MIPEP: variants seen among roughly 807,000 people sequenced by gnomAD.
MIPEP encodes mitochondrial intermediate peptidase.
In MIPEP, 79 loss-of-function variants were observed where a neutral mutation model predicts 90.3. The observed-to-expected ratio is 0.87, with a 90% CI of 0.73 to 1.05. MIPEP has a LOEUF of 1.05. MIPEP is among the 50% of genes least tolerant of loss of function. The pLI is 0.00. For synonymous variants in MIPEP, 334 were observed against 315.8 expected, an observed-to-expected ratio of 1.06 and a Z score of -0.61; for missense variants, 940 against 905.6, an observed-to-expected ratio of 1.04 and a Z score of -0.49.
chr13:23,771,916 T>A (rs1370891005), intron 16 of MIPEP, among the ~76,000 whole-genome samples: 1 of 152,120 alleles, frequency 6.6e-6, no homozygotes, highest in African/African-American at 2.4e-5. Flanking sequence ...TCCTTTACAT[T>A]GCCTAAGAGG....
chr13:23,814,816 T>C (rs1953215558), intron 14 of MIPEP, among the ~76,000 whole-genome samples: 1 of 152,162 alleles, frequency 6.6e-6, no homozygotes, highest in African/African-American at 2.4e-5. Context: ...ACTGAGAGCA[T>C]GGCCTGCCTT....
chr13:23,844,823 C>T (rs968773326), intron 10 of MIPEP, among the ~76,000 whole-genome samples: 3 of 151,924 alleles, frequency 2.0e-5, no homozygotes, highest in African/African-American at 7.3e-5. Context: ...AACAATTTAT[C>T]TTGGAAAAAA....
intron 5 of MIPEP, 25 bp downstream of exon 5, chr13:23,874,821 T>A: frequency 6.4e-7 from 1 of 1,562,926 alleles, no homozygotes; most frequent in Non-Finnish European, 8.6e-7. Context: ...ACTGGAAGAG[T>A]CAAAAAAACA....
chr13:23,823,491 A>G (rs573852204), intron 14 of MIPEP, among the ~76,000 whole-genome samples: 1 of 152,234 alleles, frequency 6.6e-6, no homozygotes, highest in East Asian at 1.9e-4. Context: ...CTACGTTATG[A>G]CTGCCATCTT....
In MIPEP at chr13:23,806,459, C is replaced by G. The variant is rs534611852; in HGVS notation, c.1729-390G>C. Among the ~76,000 whole-genome samples the G allele has an allele frequency of 1.8e-4, 27 of 152,176 alleles. No homozygotes were observed. The South Asian group carries it at 4.8e-3, about 27-fold the overall frequency. On this transcript the variant is annotated intron_variant, in intron 15 of 18. Coordinates refer to ENST00000382172, the MANE Select transcript of MIPEP (RefSeq NM_005932.4). ...TTGGGAGGCCGAGGCGGGAGGATCA[C>G]GAGGTCAGGAGATCAAGACCATCCT... is the stretch of plus-strand genomic sequence containing the variant.
In MIPEP at chr13:23,748,305, T is replaced by C. The variant is rs1429415171; in HGVS notation, c.2044+8240A>G. On this transcript the variant is annotated intron_variant, in intron 18 of 18. Transcript: ENST00000382172. ...TGCACAAATATTTATTGAATGCCGA[T>C]GGGCTGAGCCCTGTAACAGGGGCTG... Among the ~76,000 whole-genome samples the C allele has an allele frequency of 3.4e-5, 5 of 147,924 alleles. No individual in the cohort carries two copies. In the East Asian group the frequency reaches 9.6e-4, roughly 29 times the overall value.
intron 14 of MIPEP, among the ~76,000 whole-genome samples, chr13:23,822,795 AC>A (rs1953322811): frequency 6.6e-6 from 1 of 151,392 alleles, no homozygotes; most frequent in Admixed American, 6.6e-5. Flanking sequence ...CAGAATTGCA[AC>A]TTTTTTTTTT....
intron 15 of MIPEP, among the ~76,000 whole-genome samples, chr13:23,809,163 C>T (rs969194754): frequency 6.6e-6 from 1 of 152,068 alleles, no homozygotes; most frequent in African/African-American, 2.4e-5. Flanking sequence ...TTATCTAAAA[C>T]TAACAGCAAT....
intron 5 of MIPEP, among the ~76,000 whole-genome samples, chr13:23,873,438 T>C (rs1870921797): frequency 6.6e-6 from 1 of 152,232 alleles, no homozygotes; most frequent in Non-Finnish European, 1.5e-5. Flanking sequence ...CTCTGGAGTC[T>C]GTCTGGCTTA....
intron 7 of MIPEP, among the ~76,000 whole-genome samples, chr13:23,865,673 T>TC (rs372803851): frequency 0.78 from 106,041 of 135,548 alleles, 38,748 homozygotes; most frequent in African/African-American, 0.86. Context: ...CCTCAATTAA[T>TC]TTTTTTTTTT....
intron 16 of MIPEP, among the ~76,000 whole-genome samples, chr13:23,765,330 T>C (rs1021467064): frequency 1.3e-5 from 2 of 152,198 alleles, no homozygotes; most frequent in African/African-American, 2.4e-5. Flanking sequence ...GCTCCAAAAA[T>C]AGGCAGGTGT....
At position 23,845,965 on chromosome 13, in the gene MIPEP, C is replaced by T. The variant is rs550466769; in HGVS notation, c.1107-4477G>A. On this transcript the variant is annotated intron_variant, in intron 10 of 18. Transcript: ENST00000382172. ...ACGGAGTCATGCTCTATCACCCAGG[C>T]GTGCAGTGGCATGATCTCAGCTCAC... Among the ~76,000 whole-genome samples, 22 of 150,934 alleles carry T rather than the reference C, an allele frequency of 1.5e-4. 1 individual carries two copies. The highest frequency in any genetic ancestry group is 5.1e-4 in the African/African-American group (21 of 41,012).
At chr13:23,824,530 G>A (rs1252834243) in intron 14 of MIPEP, among the ~76,000 whole-genome samples, 2 of 152,188 alleles carry the variant, frequency 1.3e-5, no homozygotes, top group African/African-American at 2.4e-5. Context: ...ATACTTCAGC[G>A]GCATAAAGCC....
intron 18 of MIPEP, among the ~76,000 whole-genome samples, chr13:23,735,724 GT>G (rs1952255618): frequency 6.6e-6 from 1 of 152,156 alleles, no homozygotes; most frequent in African/African-American, 2.4e-5. Context: ...GATTTTGTAT[GT>G]ATGTGATTGC....
chr13:23,850,592 G>A (rs1285178986), intron 10 of MIPEP, among the ~76,000 whole-genome samples: 1 of 152,202 alleles, frequency 6.6e-6, no homozygotes, highest in Admixed American at 6.5e-5. Context: ...AAGAAAGACA[G>A]TACAATTCCA....
chr13:23,767,035 C>G (rs1358689712), intron 16 of MIPEP, among the ~76,000 whole-genome samples: 1 of 152,214 alleles, frequency 6.6e-6, no homozygotes, highest in East Asian at 1.9e-4. Flanking sequence ...ACCCTGGAAC[C>G]TGGGGGGCCC....
intron 16 of MIPEP, among the ~76,000 whole-genome samples, chr13:23,779,619 TG>T (rs1458182252): frequency 6.6e-6 from 1 of 151,516 alleles, no homozygotes; most frequent in Non-Finnish European, 1.5e-5. Context: ...GGCAGGACAG[TG>T]GGTGCAGCCC....
At chr13:23,831,372 C>G (rs1380396051) in intron 14 of MIPEP, among the ~76,000 whole-genome samples, 6 of 31,380 alleles carry the variant, frequency 1.9e-4, no homozygotes, top group African/African-American at 1.1e-3. Context: ...GACAGCCTAG[C>G]TTCCCCATGG....
chr13:23,872,777 C>G (rs1307681148), intron 5 of MIPEP, among the ~76,000 whole-genome samples: 1 of 152,100 alleles, frequency 6.6e-6, no homozygotes, highest in African/African-American at 2.4e-5. Context: ...TGAAACTGAA[C>G]ATATACTATT....
Sources: gnomAD v4.1 joint callset for allele counts (sites outside exome capture counted in the v4.1 genomes callset) on GRCh38, gnomAD v4.1.1 for gene constraint, MANE v1.5 for transcripts, NCBI Gene and HGNC (gene_info 2026-07-23, HGNC 2026-07-21) for gene names.